The following C11orf65 variants were observed in gnomAD, a reference collection of about 807,000 sequenced individuals.
C11orf65 encodes chromosome 11 open reading frame 65.
C11orf65 carries 38 observed loss-of-function variants against 35.3 expected under a neutral mutation model. That is an observed-to-expected ratio of 1.08 (90% CI 0.83 to 1.41). C11orf65 has a LOEUF of 1.41. Ranked by LOEUF, C11orf65 falls within the 40% of genes most tolerant of loss-of-function variation. The pLI is 0.00. For missense variants in C11orf65, 370 were observed against 367.1 expected (o/e 1.01, Z -0.06); for synonymous variants, 105 against 114.4 (o/e 0.92, Z 0.53).
chr11:108,346,548 A>G (rs1001374992), intron 2 of C11orf65: 1 of 151,718 alleles, frequency 6.6e-6, no homozygotes, highest in Admixed American at 6.6e-5. Context: ...CTTACATACT[A>G]TACCCCAGGA....
chr11:108,316,753 CAAAAAAAA>C lies in C11orf65; in HGVS notation c.641-7690_641-7683del, dbSNP rs58165074. Among the ~76,000 whole-genome samples the C allele has an allele frequency of 8.7e-3, 627 of 72,430 alleles. 5 individuals carry two copies. The highest frequency in any genetic ancestry group is 0.022 in the East Asian group (51 of 2,290). 47.5% of individuals were successfully genotyped at this position (72,430 alleles called of 152,430 possible). The stretch of plus-strand genomic sequence containing the variant: ...TGAAACCCCGTCTCTACTAAAAATA[CAAAAAAAA>C]AAAAAAAAAAAAAAATTAGCCGGGT... On this transcript the variant is annotated intron_variant, in intron 6 of 6. Coordinates refer to the C11orf65 transcript ENST00000525729.
At chr11:108,427,571 A>T (rs1241548900) in intron 3 of C11orf65, among the ~76,000 whole-genome samples, 1 of 149,454 alleles carries the variant, frequency 6.7e-6, no homozygotes, top group African/African-American at 2.4e-5. Context: ...AAAATACAAA[A>T]ATTAGCCGGG....
chr11:108,422,950 T>A (rs2092841626), intron 3 of C11orf65, among the ~76,000 whole-genome samples: 1 of 151,466 alleles, frequency 6.6e-6, no homozygotes, highest in Non-Finnish European at 1.5e-5. Context: ...GGACTGCAGA[T>A]CTAAGTATAA....
In C11orf65 at chr11:108,405,533, C is replaced by T. The variant is rs1445549632; in HGVS notation, c.456G>A (p.Val152=). ...ATTCACTTTCCTTTTTGTCTTCCAC[C>T]ACCATACCATCAGTAGATAGCCAAA... ...DTFWLSTDGM[V]VEDKKESEFH... is the part of the protein sequence containing the mutation. Residue 152 remains valine (V), a synonymous_variant, in exon 6 of 9, where the codon GTG becomes GTA. Coordinates refer to ENST00000393084, the MANE Select transcript of C11orf65 (RefSeq NM_152587.5). 1 of 1,613,204 alleles carries T rather than the reference C, an allele frequency of 6.2e-7. No homozygotes were observed. Among genetic ancestry groups the T allele is most frequent in the Non-Finnish European group, 8.5e-7 (1 of 1,179,716 alleles).
chr11:108,430,207 A>G (rs1299998236), intron 3 of C11orf65, among the ~76,000 whole-genome samples: 1 of 148,624 alleles, frequency 6.7e-6, no homozygotes, highest in South Asian at 2.1e-4. Flanking sequence ...CTGCTCACTG[A>G]AAGCTCCGCC....
intron 6 of C11orf65, chr11:108,321,201 C>A: frequency 6.7e-7 from 1 of 1,487,354 alleles, no homozygotes; most frequent in Non-Finnish European, 9.2e-7. Flanking sequence ...AGATCAGTAG[C>A]AAAGCCTATG....
intron 6 of C11orf65, among the ~76,000 whole-genome samples, chr11:108,310,949 T>C (rs1395229036): frequency 6.6e-6 from 1 of 152,184 alleles, no homozygotes; most frequent in South Asian, 2.1e-4. Flanking sequence ...CACTTTATTA[T>C]CCCAACTGCT....
At chr11:108,431,902 G>GC in intron 2 of C11orf65, 64 bp from the exon 3 acceptor site, 1 of 974,838 alleles carries the variant, frequency 1.0e-6, no homozygotes. Flanking sequence ...TTCGCTTTTT[G>GC]TCTAATCAGG....
intron 3 of C11orf65, among the ~76,000 whole-genome samples, chr11:108,428,721 T>C (rs1461721112): frequency 6.6e-6 from 1 of 152,172 alleles, no homozygotes; most frequent in Non-Finnish European, 1.5e-5. Context: ...AGATGACAGG[T>C]TGATGGGTGC....
chr11:108,327,339 A>T (rs2085777081), downstream of C11orf65: 1 of 324,522 alleles, frequency 3.1e-6, no homozygotes. Flanking sequence ...CTTATTTAAT[A>T]GGATTCTTGT....
At chr11:108,459,645 CTT>C (rs1237327132) in intron 2 of C11orf65, among the ~76,000 whole-genome samples, 1 of 151,732 alleles carries the variant, frequency 6.6e-6, no homozygotes, top group Admixed American at 6.6e-5. Context: ...ACCCCCTTCT[CTT>C]TGTTATGGAT....
In C11orf65 at chr11:108,344,735, A is replaced by G. The variant is rs1591257991; in HGVS notation, c.227-9443T>C. Among the ~76,000 whole-genome samples the G allele has an allele frequency of 2.6e-5, 4 of 152,022 alleles. No homozygotes were observed. The East Asian group carries it at 7.7e-4, about 29-fold the overall frequency. ...AATAAGGTTGGGGGGCGGGTGTGGT[A>G]GCGCATGCCTGTAATCCCAGCACTT... On this transcript the variant is annotated intron_variant, in intron 2 of 3. Transcript: ENST00000524755.
intron 2 of C11orf65, among the ~76,000 whole-genome samples, chr11:108,454,762 C>T (rs1019535342): frequency 2.0e-5 from 3 of 152,100 alleles, no homozygotes; most frequent in African/African-American, 7.2e-5. Flanking sequence ...ACCTGATTTT[C>T]TTGTTTTTAT....
intron 3 of C11orf65, chr11:108,331,579 A>C: frequency 6.3e-7 from 1 of 1,589,114 alleles, no homozygotes; most frequent in Middle Eastern, 1.8e-4. Flanking sequence ...TGAAAATCAA[A>C]CCACAATAAT....
intron 3 of C11orf65, among the ~76,000 whole-genome samples, chr11:108,424,124 G>A (rs575747328): frequency 6.6e-6 from 1 of 152,132 alleles, no homozygotes; most frequent in Non-Finnish European, 1.5e-5. Flanking sequence ...AAAGGAGCAT[G>A]TTCTAGCCCA....
chr11:108,459,726 T>TACACACACACAC (rs60928526), intron 2 of C11orf65, among the ~76,000 whole-genome samples: 4,939 of 138,530 alleles, frequency 0.036, 114 homozygotes, highest in South Asian at 0.052. Flanking sequence ...GTCCTCCGTC[T>TACACACACACAC]ACACACACAC....
chr11:108,416,925 G>A (rs1050426629), intron 3 of C11orf65, among the ~76,000 whole-genome samples: 3 of 152,014 alleles, frequency 2.0e-5, no homozygotes, highest in African/African-American at 7.3e-5. Context: ...TAAGTCAAAG[G>A]GGATAATGAG....
intron 2 of C11orf65, among the ~76,000 whole-genome samples, chr11:108,335,565 C>T (rs2086748492): frequency 6.6e-6 from 1 of 152,130 alleles, no homozygotes; most frequent in Non-Finnish European, 1.5e-5. Context: ...TGGAAAGACA[C>T]AGTGCTGTTT....
chr11:108,366,319 T>G (rs748879858), intron 2 of C11orf65: 16 of 211,718 alleles, frequency 7.6e-5, no homozygotes, highest in Admixed American at 4.1e-4. Context: ...CCATTGGGCT[T>G]CTTCTTTCAG....
Sources: allele counts gnomAD v4.1 joint callset (sites outside exome capture counted in the v4.1 genomes callset), GRCh38; gene constraint gnomAD v4.1.1; transcripts MANE v1.5; gene names NCBI Gene and HGNC (gene_info 2026-07-23, HGNC 2026-07-21).